Variants in ITGA1 observed in about 807,000 individuals in gnomAD.
ITGA1 encodes the protein integrin alpha-1.
A neutral mutation model predicts 145.9 loss-of-function variants in ITGA1; 85 were observed. The observed-to-expected ratio is 0.58, with a 90% CI of 0.49 to 0.70. The LOEUF (loss-of-function observed/expected upper bound fraction) is 0.70. Ranked by LOEUF, ITGA1 falls within the 30% of genes least tolerant of loss-of-function variation. The pLI, the probability that ITGA1 is intolerant of heterozygous loss-of-function variation, is 0.00. For missense variants in ITGA1, 1,351 were observed against 1,418.7 expected (o/e 0.95, Z 0.77); for synonymous variants, 520 against 495.3 (o/e 1.05, Z -0.66).
At chr5:52,929,095 A>C (rs745839910) in intron 20 of ITGA1, among the ~76,000 whole-genome samples, 1 of 152,182 alleles carries the variant, frequency 6.6e-6, no homozygotes, top group Non-Finnish European at 1.5e-5. Context: ...TAAATACTAT[A>C]AACTGAGTAG....
chr5:52,913,803 G>T (rs1414173324), intron 14 of ITGA1, among the ~76,000 whole-genome samples: 1 of 152,176 alleles, frequency 6.6e-6, no homozygotes. Flanking sequence ...AAACATGAGT[G>T]ATTTTTCATA....
chr5:52,874,673 A>G (rs976154110), intron 6 of ITGA1, among the ~76,000 whole-genome samples: 2 of 152,176 alleles, frequency 1.3e-5, no homozygotes, highest in Admixed American at 6.6e-5. Context: ...AATTGAGCAG[A>G]TATTTATAAA....
chr5:52,943,183 A>G (rs1239026222), intron 26 of ITGA1, among the ~76,000 whole-genome samples: 1 of 152,156 alleles, frequency 6.6e-6, no homozygotes, highest in Admixed American at 6.5e-5. Context: ...GCTTTTGCCC[A>G]TTCAGTATGA....
At chr5:52,846,193 C>A (rs891085237) in intron 1 of ITGA1, among the ~76,000 whole-genome samples, 7 of 152,074 alleles carry the variant, frequency 4.6e-5, no homozygotes, top group Admixed American at 2.6e-4. Flanking sequence ...TTAAGGCCAG[C>A]AGTTTGAGAC....
At chr5:52,893,637 A>T in intron 8 of ITGA1, 38 bp from the exon 9 acceptor site, 1 of 1,575,998 alleles carries the variant, frequency 6.3e-7, no homozygotes, top group Non-Finnish European at 8.7e-7. Context: ...AACACATAGA[A>T]TTTAAAATAT....
At chr5:52,807,533 T>G (rs1187758847) in intron 1 of ITGA1, among the ~76,000 whole-genome samples, 2 of 152,230 alleles carry the variant, frequency 1.3e-5, no homozygotes, top group East Asian at 3.8e-4. Flanking sequence ...CTTCTCAGCT[T>G]TCAGTTTGGA....
chr5:52,867,032 T>TC (rs1259500079), intron 6 of ITGA1: 5 of 151,262 alleles, frequency 3.3e-5, no homozygotes, highest in African/African-American at 1.2e-4. Context: ...TTTTTTTTTT[T>TC]CTGAGGACTT....
At chr5:52,945,064 T>G in intron 27 of ITGA1, 29 bp downstream of exon 27, 1 of 1,486,436 alleles carries the variant, frequency 6.7e-7, no homozygotes, top group South Asian at 1.1e-5. Flanking sequence ...TTGAAAACAT[T>G]ATGCATTTCA....
chr5:52,940,956 G>T (rs1751045647), intron 26 of ITGA1, among the ~76,000 whole-genome samples: 2 of 152,024 alleles, frequency 1.3e-5, no homozygotes, highest in South Asian at 4.1e-4. Context: ...AGTAGTCCAT[G>T]GTGTCTACTG....
intron 14 of ITGA1, among the ~76,000 whole-genome samples, chr5:52,912,754 A>AT (rs10657085): frequency 2.4e-4 from 34 of 139,432 alleles, no homozygotes; most frequent in Admixed American, 4.3e-4. Context: ...ATATATATAT[A>AT]TTTTTTTTTT....
At chr5:52,934,570 A>G (rs1178216838) in intron 23 of ITGA1, among the ~76,000 whole-genome samples, 6 of 151,852 alleles carry the variant, frequency 4.0e-5, no homozygotes, top group Non-Finnish European at 5.9e-5. Flanking sequence ...TATTACATTT[A>G]TTTTTCCTTT....
chr5:52,801,577 G>A, intron 1 of ITGA1: 4 of 1,614,148 alleles, frequency 2.5e-6, no homozygotes, highest in Non-Finnish European at 3.4e-6. Context: ...ACTCAAGCAG[G>A]TGGAGAAGGC....
intron 6 of ITGA1, 140 bp downstream of exon 6, chr5:52,865,957 T>C: frequency 1.6e-6 from 1 of 643,482 alleles, no homozygotes; most frequent in African/African-American, 1.9e-5. Flanking sequence ...CCTGTTCTTA[T>C]TTCTGATAAA....
chr5:52,872,123 C>T lies in ITGA1; in HGVS notation c.624+6306C>T, dbSNP rs372323534. On this transcript the variant is annotated intron_variant, in intron 6 of 28. Transcript: ENST00000282588. ...ATCAAAAGTGTAGCATAGCATTAAA[C>T]CAAGCAAAATGAAACAGAGAAATTA... Among the ~76,000 whole-genome samples the T allele has an allele frequency of 1.5e-4, 23 of 152,170 alleles. 1 individual carries two copies. The highest frequency in any genetic ancestry group is 5.5e-4 in the African/African-American group (23 of 41,520).
chr5:52,933,895 T>G lies in ITGA1; in HGVS notation c.2863T>G (p.Ser955Ala). 1 of 1,450,538 alleles carries G rather than the reference T, an allele frequency of 6.9e-7. No individual in the cohort carries two copies. The highest frequency in any genetic ancestry group is 9.3e-7 in the Non-Finnish European group (1 of 1,078,570). The allele number at this position is 1,450,538 out of a possible 1,614,324, so 89.9% of individuals were successfully genotyped here. ...KYEVGLQFYS[S>A]ASEYHISIAA... ...TTTTCTTCTAATTAATTTTTTAAGCTCTGCAAGTGAATACCACATTTCAAT... is the reference window on the plus strand; with the variant it reads ...TTTTCTTCTAATTAATTTTTTAAGCGCTGCAAGTGAATACCACATTTCAAT... Residue 955 changes from serine (S) to alanine (A), a missense_variant and splice_region_variant, in exon 23 of 29, where the codon TCT becomes GCT. Transcript: ENST00000282588.
intron 1 of ITGA1, among the ~76,000 whole-genome samples, chr5:52,799,403 A>C (rs1748407751): frequency 6.6e-6 from 1 of 152,092 alleles, no homozygotes; most frequent in Non-Finnish European, 1.5e-5. Flanking sequence ...CCCAACCCCC[A>C]ACCTAAACAT....
At position 52,937,444 on chromosome 5, in the gene ITGA1, C is replaced by T; in HGVS notation, c.3008C>T (p.Ser1003Leu). 2 of 1,613,716 alleles carry T rather than the reference C, an allele frequency of 1.2e-6. No individual in the cohort carries two copies. The highest frequency in any genetic ancestry group is 1.7e-6 in the Non-Finnish European group (2 of 1,179,694). The change falls in exon 24 of 29, where the codon TCA becomes TTA. Residue 1003 changes from serine to leucine, a missense_variant. By Grantham distance (145) the Ser-to-Leu change is moderately radical. Coordinates refer to ENST00000282588, the MANE Select transcript of ITGA1 (RefSeq NM_181501.2). ...TTTCCAATGCCAGAGCTTAAGCTGTCAATTTCATTCCCCAATATGACATCA... is the reference window on the plus strand; with the variant it reads ...TTTCCAATGCCAGAGCTTAAGCTGTTAATTTCATTCCCCAATATGACATCA... ...GSFPMPELKL[S>L]ISFPNMTSNG...
At chr5:52,895,932 A>C (rs979053030) in intron 9 of ITGA1, among the ~76,000 whole-genome samples, 21 of 152,124 alleles carry the variant, frequency 1.4e-4, no homozygotes, top group African/African-American at 4.8e-4. Flanking sequence ...TTTCCTGTCA[A>C]CATGTATCTT....
At position 52,898,367 on chromosome 5, in the gene ITGA1, G is replaced by A. The variant is rs754774078; in HGVS notation, c.1293G>A (p.Pro431=). The A allele has an allele frequency of 6.3e-5, 101 of 1,596,250 alleles. 1 individual carries two copies. Among genetic ancestry groups the A allele is most frequent in the Non-Finnish European group, 7.2e-5 (85 of 1,173,352 alleles). ...FNVESTKKNE[P]LASYLGYTVN... ...TTGAGTCTACCAAAAAGAATGAACC[G>A]CTTGCTTCTTATTTAGGTAAGGTTT... is the stretch of plus-strand genomic sequence containing the variant. The change falls in exon 11 of 29, where the codon CCG becomes CCA. Residue 431 remains proline, a synonymous_variant. Transcript: ENST00000282588.
Sources: gnomAD v4.1 joint callset for allele counts (sites outside exome capture counted in the v4.1 genomes callset) on GRCh38, gnomAD v4.1.1 for gene constraint, MANE v1.5 for transcripts, NCBI Gene and HGNC (gene_info 2026-07-23, HGNC 2026-07-21) for gene names.